SEMA3A: variants seen among roughly 807,000 people sequenced by gnomAD.
The protein encoded by SEMA3A is semaphorin 3A.
Under a neutral mutation model 97.9 loss-of-function variants are expected in SEMA3A, and 29 were observed. That is an observed-to-expected ratio of 0.30 (90% confidence interval 0.22 to 0.40). SEMA3A has a LOEUF of 0.40. Among genes scored for constraint, SEMA3A ranks in the 10% least tolerant of loss-of-function variants. SEMA3A has a pLI of 1.00. For missense variants in SEMA3A, 763 were observed against 951.3 expected (o/e 0.80, Z 2.60); for synonymous variants, 321 against 323.7 (o/e 0.99, Z 0.09).
intron 11 of SEMA3A, 129 bp from the exon 12 acceptor site, chr7:84,002,175 G>A (rs1790483654): frequency 7.1e-6 from 4 of 563,910 alleles, no homozygotes; most frequent in Admixed American, 3.6e-5. Flanking sequence ...TTCATTTTTT[G>A]GTCAAAACAT....
chr7:84,329,031 A>C (rs1251088915), intron 2 of SEMA3A, among the ~76,000 whole-genome samples: 1 of 151,840 alleles, frequency 6.6e-6, no homozygotes, highest in Non-Finnish European at 1.5e-5. Flanking sequence ...AGGTTTGTTA[A>C]ACATAGGTAT....
chr7:84,332,886 G>T (rs1342041784), intron 2 of SEMA3A, among the ~76,000 whole-genome samples: 2 of 151,858 alleles, frequency 1.3e-5, no homozygotes, highest in East Asian at 3.9e-4. Flanking sequence ...TATTATCAAG[G>T]TAATGACTTA....
chr7:84,269,101 A>T (rs1170385837), intron 3 of SEMA3A, among the ~76,000 whole-genome samples: 1 of 152,052 alleles, frequency 6.6e-6, no homozygotes, highest in East Asian at 1.9e-4. Flanking sequence ...ATCACTGTGG[A>T]TCAATAAATA....
intron 3 of SEMA3A, among the ~76,000 whole-genome samples, chr7:84,127,752 A>G (rs1699423782): frequency 6.6e-6 from 1 of 152,158 alleles, no homozygotes; most frequent in Admixed American, 6.5e-5. Context: ...CCTTCTAAAC[A>G]TATACATCAT....
chr7:84,302,611 T>C (rs1801045611), intron 3 of SEMA3A, among the ~76,000 whole-genome samples: 1 of 152,186 alleles, frequency 6.6e-6, no homozygotes, highest in African/African-American at 2.4e-5. Context: ...ATTTTACTCA[T>C]TGACAGATTT....
At position 84,322,050 on chromosome 7, in the gene SEMA3A, A is replaced by G. The variant is rs140256778; in HGVS notation, c.-168-14758T>C. ...ACCTCATCACAGGGTGGCAGGATGG[A>G]GAATGAATGCAAGTAGGGGAAATGT... On this transcript the variant is annotated intron_variant, in intron 2 of 3. Transcript: ENST00000424555. 3.8e-3 allele frequency among the ~76,000 whole-genome samples: 578 copies of G among 151,878 alleles called. 4 individuals are homozygous for G. Among genetic ancestry groups the G allele is most frequent in the African/African-American group, 0.013 (537 of 41,476 alleles).
At chr7:84,187,708 G>A (rs1268161305) in intron 1 of SEMA3A, among the ~76,000 whole-genome samples, 1 of 151,922 alleles carries the variant, frequency 6.6e-6, no homozygotes, top group African/African-American at 2.4e-5. Context: ...TTGATTTATT[G>A]TAAATTTTCA....
chr7:84,099,995 C>T (rs966859591), intron 4 of SEMA3A, among the ~76,000 whole-genome samples: 5 of 152,110 alleles, frequency 3.3e-5, no homozygotes, highest in South Asian at 2.1e-4. Flanking sequence ...TTAACTTTCT[C>T]GTCTCCTTTT....
At chr7:84,337,766 C>T (rs1281347300) in intron 2 of SEMA3A, among the ~76,000 whole-genome samples, 1 of 152,154 alleles carries the variant, frequency 6.6e-6, no homozygotes, top group Admixed American at 6.6e-5. Flanking sequence ...TTTCACTCCA[C>T]TTGGTGTGGG....
intron 1 of SEMA3A, among the ~76,000 whole-genome samples, chr7:84,149,490 G>A (rs1398708830): frequency 6.6e-6 from 1 of 152,148 alleles, no homozygotes; most frequent in African/African-American, 2.4e-5. Context: ...ATTAAATCAA[G>A]CACACCTCTG....
At chr7:84,424,881 A>ATATAAATAAT (rs1562943046) in intron 1 of SEMA3A, among the ~76,000 whole-genome samples, 2 of 74,870 alleles carry the variant, frequency 2.7e-5, no homozygotes, top group African/African-American at 1.2e-4. Context: ...AATATATAAT[A>ATATAAATAAT]TTATATATAA....
intron 4 of SEMA3A, among the ~76,000 whole-genome samples, chr7:84,079,228 C>T (rs549891684): frequency 2.6e-5 from 4 of 151,846 alleles, no homozygotes; most frequent in South Asian, 2.1e-4. Context: ...CTTAAACATT[C>T]GACCTAAAAC....
At chr7:84,270,568 A>C (rs942788175) in intron 3 of SEMA3A, among the ~76,000 whole-genome samples, 1 of 147,576 alleles carries the variant, frequency 6.8e-6, no homozygotes, top group South Asian at 2.1e-4. Flanking sequence ...ATTATGAATA[A>C]TTCATATTCA....
chr7:84,125,363 A>T (rs1355305722), intron 3 of SEMA3A, among the ~76,000 whole-genome samples: 1 of 152,200 alleles, frequency 6.6e-6, no homozygotes, highest in Non-Finnish European at 1.5e-5. Context: ...CATGTCTTAG[A>T]TCCTTTTAAT....
At chr7:84,206,242 TAAGA>T (rs1206403087) in intron 3 of SEMA3A, among the ~76,000 whole-genome samples, 2 of 152,002 alleles carry the variant, frequency 1.3e-5, no homozygotes, top group Non-Finnish European at 2.9e-5. Flanking sequence ...TTAAAAGCAT[TAAGA>T]AAGAAAGTAA....
At chr7:83,994,033 C>G (rs1396144815) in intron 12 of SEMA3A, among the ~76,000 whole-genome samples, 2 of 148,380 alleles carry the variant, frequency 1.3e-5, no homozygotes, top group Admixed American at 1.4e-4. Flanking sequence ...TCTTTTTTCT[C>G]TAAACTTCCC....
At chr7:84,392,435 G>GATAT (rs1803605200) in intron 1 of SEMA3A, among the ~76,000 whole-genome samples, 1 of 152,026 alleles carries the variant, frequency 6.6e-6, no homozygotes, top group Non-Finnish European at 1.5e-5. Flanking sequence ...TTCCATTGGG[G>GATAT]ATATATACCA....
At chr7:84,113,741 T>C (rs954627103) in intron 3 of SEMA3A, among the ~76,000 whole-genome samples, 4 of 152,140 alleles carry the variant, frequency 2.6e-5, no homozygotes, top group Admixed American at 6.6e-5. Context: ...CAGGCAACCA[T>C]ATTGACCTCT....
At position 84,027,462 on chromosome 7, in the gene SEMA3A, C is replaced by A. The variant is rs184519050; in HGVS notation, c.668-13111G>T. Among the ~76,000 whole-genome samples, 4 of 152,224 alleles carry A rather than the reference C, an allele frequency of 2.6e-5. No individual in the cohort carries two copies. The East Asian group carries it at 7.7e-4, about 29-fold the overall frequency. ...GTTGGATTTTCAATGAGTTACCAGC[C>A]AACCAGCACTAGTTTATTCTTTAGA... On this transcript the variant is annotated intron_variant, in intron 6 of 16. Transcript: ENST00000265362.
Sources: gnomAD v4.1 joint callset for allele counts (sites outside exome capture counted in the v4.1 genomes callset) on GRCh38, gnomAD v4.1.1 for gene constraint, MANE v1.5 for transcripts, NCBI Gene and HGNC (gene_info 2026-07-23, HGNC 2026-07-21) for gene names.